Variants in GON4L observed in about 807,000 individuals in gnomAD.
GON4L encodes the protein GON-4-like protein.
In GON4L, 87 loss-of-function variants were observed where a neutral mutation model predicts 211.8. The observed-to-expected ratio is 0.41, with a 90% CI of 0.35 to 0.49. The LOEUF is 0.49. GON4L is among the 20% of genes least tolerant of loss of function. The pLI, the probability that GON4L is intolerant of heterozygous loss-of-function variation, is 0.15. For synonymous variants in GON4L, 875 were observed against 962.6 expected (o/e 0.91, Z 1.68); for missense variants, 2,155 against 2,659.5 (o/e 0.81, Z 4.17).
At chr1:155,787,308 AG>A (rs1665056921) in intron 12 of GON4L, among the ~76,000 whole-genome samples, 1 of 152,084 alleles carries the variant, frequency 6.6e-6, no homozygotes, top group East Asian at 1.9e-4. Flanking sequence ...CAAGAATCTG[AG>A]GAAAAAAAAA....
chr1:155,788,672 C>T (rs973006036), intron 12 of GON4L, among the ~76,000 whole-genome samples: 5 of 152,136 alleles, frequency 3.3e-5, no homozygotes, highest in Admixed American at 1.3e-4. Context: ...AACAAACTAA[C>T]GACCCATGCA....
intron 23 of GON4L, among the ~76,000 whole-genome samples, chr1:155,761,351 A>AT (rs111459761): frequency 0.066 from 9,754 of 146,960 alleles, 391 homozygotes; most frequent in African/African-American, 0.11. Flanking sequence ...TTAGCTCACT[A>AT]TTTTTTTTTT....
chr1:155,763,798 T>C (rs1301259580), intron 21 of GON4L, among the ~76,000 whole-genome samples: 1 of 151,578 alleles, frequency 6.6e-6, no homozygotes, highest in African/African-American at 2.4e-5. Flanking sequence ...AGGCCAGGAG[T>C]TCAGGACCAG....
chr1:155,773,265 T>C (rs2101817063), intron 17 of GON4L, 55 bp from the exon 18 acceptor site: 9 of 1,603,216 alleles, frequency 5.6e-6, no homozygotes, highest in Non-Finnish European at 7.7e-6. Context: ...GAGGGCTTCA[T>C]AAAAGCCTGT....
rs185281877 is a variant in GON4L, at chr1:155,753,501, G to A, written c.5632-87C>T. 1.0e-4 allele frequency: 99 copies of A among 963,950 alleles called. No individual in the cohort carries two copies. The African/African-American group carries it at 1.4e-3, about 14-fold the overall frequency. The allele number at this position is 963,950 out of a possible 1,614,324, so 59.7% of individuals were successfully genotyped here. A position where few individuals can be genotyped will look rare whatever the true frequency, so the allele number is the denominator to read the frequency against. ...ACCAAAGGAAGAAGCCCTGCCTGAT[G>A]CTCATCAAGTCAACCCACATGCATG... On this transcript the variant is annotated intron_variant, in intron 28 of 31. Transcript: ENST00000368331.
chr1:155,786,725 A>T (rs1664979961), intron 12 of GON4L, among the ~76,000 whole-genome samples: 1 of 152,180 alleles, frequency 6.6e-6, no homozygotes, highest in Non-Finnish European at 1.5e-5. Context: ...TATTTTCTCA[A>T]ATCAACTGGA....
chr1:155,807,703 CAAAAAAAAAAAA>C (rs61248477), intron 10 of GON4L, among the ~76,000 whole-genome samples: 1 of 52,888 alleles, frequency 1.9e-5, no homozygotes, highest in Non-Finnish European at 3.0e-5. Flanking sequence ...GACTCCGTCT[CAAAAAAAAAAAA>C]AAAAAAAAAA....
intron 10 of GON4L, 84 bp downstream of exon 10, chr1:155,813,550 A>G: frequency 1.0e-6 from 1 of 1,003,190 alleles, no homozygotes; most frequent in Non-Finnish European, 1.6e-6. Context: ...AATTGTAGTT[A>G]TCTTTTCCTC....
chr1:155,777,612 A>G lies in GON4L; in HGVS notation c.2091+10T>C, dbSNP rs773191476. On this transcript the variant is annotated intron_variant, in intron 15 of 31. Transcript: ENST00000368331. ...AAATCCAATGTTAACATGACCAAGA[A>G]AAGTCCTACCTGCTGCATCTGCTGC... is the stretch of plus-strand genomic sequence containing the variant. 2 of 1,605,560 alleles carry G rather than the reference A, an allele frequency of 1.2e-6. No individual in the cohort carries two copies. Among genetic ancestry groups the G allele is most frequent in the East Asian group, 2.2e-5 (1 of 44,836 alleles).
intron 20 of GON4L, 186 bp downstream of exon 20, chr1:155,767,239 T>C: frequency 2.2e-6 from 3 of 1,357,258 alleles, no homozygotes; most frequent in Non-Finnish European, 3.0e-6. Context: ...TTACCTATTA[T>C]TTTGAAAATG....
At chr1:155,826,733 T>C (rs1571875166) in intron 3 of GON4L, 104 bp downstream of exon 3, 1 of 790,166 alleles carries the variant, frequency 1.3e-6, no homozygotes, top group East Asian at 2.6e-5. Flanking sequence ...ATTAAATTTG[T>C]AAAAATATAG....
chr1:155,823,755 T>C (rs1042192104), intron 3 of GON4L, among the ~76,000 whole-genome samples: 7 of 151,788 alleles, frequency 4.6e-5, no homozygotes, highest in Non-Finnish European at 7.4e-5. Flanking sequence ...TAGCCGGGCA[T>C]GGTGGTGTGT....
At chr1:155,747,882 C>G, downstream of GON4L, 1 of 1,580,256 alleles carries the variant, frequency 6.3e-7, no homozygotes, top group Non-Finnish European at 8.6e-7. Context: ...GCTACCTGGT[C>G]CCTACCATCG....
chr1:155,804,810 C>T (rs892995299), intron 11 of GON4L, 139 bp downstream of exon 11: 2 of 709,576 alleles, frequency 2.8e-6, no homozygotes, highest in Non-Finnish European at 5.0e-6. Context: ...AAATTAACTA[C>T]TGATTTAAGA....
At chr1:155,794,682 T>C (rs1467692959) in intron 12 of GON4L, among the ~76,000 whole-genome samples, 1 of 152,174 alleles carries the variant, frequency 6.6e-6, no homozygotes, top group Non-Finnish European at 1.5e-5. Context: ...TGACACTCTC[T>C]TTTAGGTCAT....
chr1:155,745,303 A>C (rs1384677357), downstream of GON4L, among the ~76,000 whole-genome samples: 2 of 152,216 alleles, frequency 1.3e-5, no homozygotes, highest in Non-Finnish European at 2.9e-5. Flanking sequence ...AATACATGTA[A>C]ATGATACAGA....
At chr1:155,822,596 T>C in intron 3 of GON4L, 120 bp from the exon 4 acceptor site, 2 of 755,396 alleles carry the variant, frequency 2.6e-6, no homozygotes, top group Non-Finnish European at 4.7e-6. Flanking sequence ...AGAAACCAGA[T>C]GTAAAAGGAC....
In GON4L at chr1:155,807,789, G is replaced by A. The variant is rs529045024; in HGVS notation, c.1453-2648C>T. 1.1e-4 allele frequency among the ~76,000 whole-genome samples: 16 copies of A among 150,408 alleles called. No individual in the cohort carries two copies. The South Asian group carries it at 3.0e-3, about 28-fold the overall frequency. ...TTAAAGACTGTTTTGGCTATTCTGG[G>A]CCTGTGCAATTCCACATGAATTTTA... is the stretch of plus-strand genomic sequence containing the variant. On this transcript the variant is annotated intron_variant, in intron 10 of 31. Transcript: ENST00000368331.
chr1:155,796,532 C>A (rs896444121), intron 11 of GON4L, among the ~76,000 whole-genome samples: 2 of 152,110 alleles, frequency 1.3e-5, no homozygotes, highest in Admixed American at 1.3e-4. Context: ...CCTGCATTGG[C>A]CTCCGAAAGT....
Sources: gnomAD v4.1 joint callset for allele counts (sites outside exome capture counted in the v4.1 genomes callset) on GRCh38, gnomAD v4.1.1 for gene constraint, MANE v1.5 for transcripts, NCBI Gene and HGNC (gene_info 2026-07-23, HGNC 2026-07-21) for gene names.